ANGPTL2: variants seen among roughly 807,000 people sequenced by gnomAD.
ANGPTL2 encodes angiopoietin like 2, also known as angiopoietin-related protein 2.
ANGPTL2 carries 25 observed loss-of-function variants against 52.8 expected under a neutral mutation model. The observed-to-expected ratio is 0.47, with a 90% CI of 0.35 to 0.66. The LOEUF (loss-of-function observed/expected upper bound fraction) is 0.66. ANGPTL2 is among the 30% of genes least tolerant of loss of function. ANGPTL2 has a pLI of 0.01. For missense variants in ANGPTL2, 546 were observed against 656.9 expected (o/e 0.83, Z 1.84); for synonymous variants, 276 against 277.4 (o/e 1.00, Z 0.05).
chr9:127,116,379 C>A (rs779498441), intron 1 of ANGPTL2, among the ~76,000 whole-genome samples: 1 of 152,118 alleles, frequency 6.6e-6, no homozygotes, highest in African/African-American at 2.4e-5. Context: ...GACAAGGACA[C>A]TGCTGTTACT....
intron 4 of ANGPTL2, among the ~76,000 whole-genome samples, chr9:127,089,625 G>T (rs1234515448): frequency 1.3e-5 from 2 of 152,194 alleles, no homozygotes; most frequent in Non-Finnish European, 2.9e-5. Context: ...GAATGACAAA[G>T]AAAGTGTTTA....
rs894704357 is a variant in ANGPTL2, at chr9:127,121,404, C to T, written c.-50+911G>A. Among the ~76,000 whole-genome samples the T allele has an allele frequency of 3.9e-5, 6 of 152,306 alleles. 1 individual carries two copies. The highest frequency in any genetic ancestry group is 3.3e-4 in the Admixed American group (5 of 15,294). On this transcript the variant is annotated intron_variant, in intron 1 of 4. Coordinates refer to ENST00000373425, the MANE Select transcript of ANGPTL2 (RefSeq NM_012098.3). ...AAAATACATGTGGGGAGCATTTGGC[C>T]GGCTTTGGAAGTGGCATTCTCAATT...
At chr9:127,112,800 G>T (rs2054977344) in intron 1 of ANGPTL2, among the ~76,000 whole-genome samples, 1 of 152,250 alleles carries the variant, frequency 6.6e-6, no homozygotes, top group Admixed American at 6.5e-5. Flanking sequence ...CTGGGTGTGG[G>T]CCAGGCAGTG....
At chr9:127,103,746 G>A (rs1173601580) in intron 2 of ANGPTL2, among the ~76,000 whole-genome samples, 1 of 152,136 alleles carries the variant, frequency 6.6e-6, no homozygotes, top group Non-Finnish European at 1.5e-5. Context: ...CTCATTTTAA[G>A]GAACTGTTTG....
chr9:127,118,648 C>T (rs1217607683), intron 1 of ANGPTL2, among the ~76,000 whole-genome samples: 1 of 152,208 alleles, frequency 6.6e-6, no homozygotes, highest in African/African-American at 2.4e-5. Context: ...TGAGGACCCT[C>T]TTAGCTCCTT....
chr9:127,113,352 C>G (rs1339047547), intron 1 of ANGPTL2, among the ~76,000 whole-genome samples: 1 of 152,182 alleles, frequency 6.6e-6, no homozygotes, highest in Admixed American at 6.5e-5. Context: ...CATTTATTTT[C>G]CTTGGAGTCC....
rs370670300 is a variant in ANGPTL2, at chr9:127,089,074, G to A, written c.1347C>T (p.Asn449=). The A allele has an allele frequency of 2.5e-5, 40 of 1,614,106 alleles. No individual in the cohort carries two copies. Among genetic ancestry groups the A allele is most frequent in the African/African-American group, 1.2e-4 (9 of 74,934 alleles). ...WYNACAHSNL[N]GVWYRGGHYR... Reference sequence around the variant, plus strand: ...AATGGCCCCCGCGGTACCAGACCCCGTTGAGGTTGGAGTGGGCACAGGCGT... The same window carrying A: ...AATGGCCCCCGCGGTACCAGACCCCATTGAGGTTGGAGTGGGCACAGGCGT... The change falls in exon 5 of 5, where the codon AAC becomes AAT. Residue 449 remains asparagine (N), a synonymous_variant. Coordinates refer to ENST00000373425, the MANE Select transcript of ANGPTL2 (RefSeq NM_012098.3).
chr9:127,120,559 C>T (rs1459228261), intron 1 of ANGPTL2, among the ~76,000 whole-genome samples: 5 of 152,220 alleles, frequency 3.3e-5, no homozygotes, highest in Non-Finnish European at 7.4e-5. Context: ...TGCAGTGGCT[C>T]ACGCCTGCAA....
rs759354955 is a variant in ANGPTL2, at chr9:127,107,412, G to A, written c.817+503C>T. Among the ~76,000 whole-genome samples the A allele has an allele frequency of 7.6e-4, 116 of 152,344 alleles. 1 individual carries two copies. Among genetic ancestry groups the A allele is most frequent in the Middle Eastern group, 3.4e-3 (1 of 294 alleles). ...TAGACAGCAGCAGACTCTAGGAAGT[G>A]TGTGGGCTTTAGGAAGGACTCCTTC... On this transcript the variant is annotated intron_variant, in intron 2 of 4. Transcript: ENST00000373425.
chr9:127,108,814 T>G, intron 1 of ANGPTL2, 34 bp from the exon 2 acceptor site: 3 of 1,387,924 alleles, frequency 2.2e-6, no homozygotes, highest in Non-Finnish European at 9.7e-7. Flanking sequence ...TCAGTGATGG[T>G]CCCACCACTG....
Position 127,108,360 on chromosome 9 carries a change from G to A in ANGPTL2, c.372C>T (p.Arg124=), listed in dbSNP as rs775894269. 93 of 1,611,418 alleles carry A rather than the reference G, an allele frequency of 5.8e-5. No homozygotes were observed. The highest frequency in any genetic ancestry group is 7.6e-5 in the Non-Finnish European group (90 of 1,178,700). Residue 124 remains arginine (R), a synonymous_variant, in exon 2 of 5, where the codon CGC becomes CGT. Transcript: ENST00000373425. ...GGIVSEVKLL[R]KESRNMNSRV... The stretch of plus-strand genomic sequence containing the variant: ...GCGAGTTCATGTTGCGGCTCTCCTT[G>A]CGCAGCAGCTTCACCTCGCTCACAA...
chr9:127,102,661 T>G (rs1380198231), intron 2 of ANGPTL2, among the ~76,000 whole-genome samples: 1 of 152,136 alleles, frequency 6.6e-6, no homozygotes, highest in Non-Finnish European at 1.5e-5. Context: ...AAAAGGCTCT[T>G]TGTGATCAGT....
rs1373535077 is a variant in ANGPTL2 at position 127,091,528 on chromosome 9, G to A, written c.1282+142C>T. The A allele has an allele frequency of 1.8e-6, 2 of 1,132,492 alleles. No homozygotes were observed. Among genetic ancestry groups the A allele is most frequent in the Non-Finnish European group, 2.5e-6 (2 of 797,984 alleles). 70.2% of individuals were successfully genotyped at this position (1,132,492 alleles called of 1,614,324 possible). On this transcript the variant is annotated intron_variant, in intron 4 of 4. Transcript: ENST00000373425. This position sits in a 1 kb window ranked among gnomAD's most constrained non-coding sequence, Gnocchi z 4.3. The stretch of plus-strand genomic sequence containing the variant: ...TGGGCAGGAGAAGGGACCCTCAGGG[G>A]GTGGTAACAGGGTCAGGCAGCTTGG...
intron 1 of ANGPTL2, among the ~76,000 whole-genome samples, chr9:127,120,970 A>G (rs528288658): frequency 6.3e-4 from 92 of 146,872 alleles, no homozygotes; most frequent in Non-Finnish European, 1.1e-3. Context: ...CTTCCTAGGC[A>G]TGGGCGCCTA....
chr9:127,099,308 T>C (rs1407914596), intron 2 of ANGPTL2, among the ~76,000 whole-genome samples: 2 of 152,240 alleles, frequency 1.3e-5, no homozygotes. Flanking sequence ...TTCTGTGATA[T>C]CACTAAGATG....
chr9:127,089,213 C>T (rs1022242201), intron 4 of ANGPTL2, 75 bp from the exon 5 acceptor site: 27 of 1,486,650 alleles, frequency 1.8e-5, no homozygotes, highest in South Asian at 4.6e-5. Flanking sequence ...TCAGGGCTTT[C>T]GGCAAAGCCC....
chr9:127,093,843 G>A lies in ANGPTL2; in HGVS notation c.901C>T (p.Arg301Cys), dbSNP rs151052759. Reference protein sequence around the residue: ...IYLVKPENTNRLMQVWCDQRH... With the variant: ...IYLVKPENTNCLMQVWCDQRH... Reference sequence around the variant, plus strand: ...TGGTCGCACCACACCTGCATGAGGCGGTTGGTGTTCTCCGGCTTCACCAGG... The same window carrying A: ...TGGTCGCACCACACCTGCATGAGGCAGTTGGTGTTCTCCGGCTTCACCAGG... Residue 301 changes from arginine to cysteine, a missense_variant, in exon 3 of 5, where the codon CGC becomes TGC. Physicochemically the swap from Arg to Cys is radical, Grantham distance 180. Transcript: ENST00000373425. 116 of 1,614,136 alleles carry A rather than the reference G, an allele frequency of 7.2e-5. No homozygotes were observed. The highest frequency in any genetic ancestry group is 2.3e-4 in the African/African-American group (17 of 75,018).
rs981399538 is a variant in ANGPTL2, at chr9:127,088,861, T to C, written c.*78A>G. ...AGCCTCAGGATGAACTGGTGAGGAG[T>C]TGTTCTTTGTGCTGTGGCCAGCGTG... On this transcript the variant is annotated 3_prime_UTR_variant, in exon 5 of 5. Transcript: ENST00000373425. 2.0e-6 allele frequency: 3 copies of C among 1,532,188 alleles called. No homozygotes were observed. Among genetic ancestry groups the C allele is most frequent in the Non-Finnish European group, 2.7e-6 (3 of 1,109,982 alleles). 94.9% of individuals were successfully genotyped at this position (1,532,188 alleles called of 1,614,324 possible).
intron 1 of ANGPTL2, among the ~76,000 whole-genome samples, chr9:127,118,056 A>T (rs1229078063): frequency 1.3e-5 from 2 of 152,154 alleles, no homozygotes; most frequent in African/African-American, 4.8e-5. Flanking sequence ...CACACCCAAC[A>T]TTTTATTTTT....
Sources: gnomAD v4.1 joint callset for allele counts (sites outside exome capture counted in the v4.1 genomes callset) on GRCh38, gnomAD v4.1.1 for gene constraint, Gnocchi (gnomAD v3.1) non-coding constraint, MANE v1.5 for transcripts, NCBI Gene and HGNC (gene_info 2026-07-23, HGNC 2026-07-21) for gene names.